Variants in HNRNPK observed in about 807,000 individuals in gnomAD.
HNRNPK encodes the protein heterogeneous nuclear ribonucleoprotein K.
In HNRNPK, 7 loss-of-function variants were observed where a neutral mutation model predicts 67.0. The observed-to-expected ratio is 0.10, with a 90% CI of 0.06 to 0.20. HNRNPK has a LOEUF of 0.20. Among genes scored for constraint, HNRNPK ranks in the 10% least tolerant of loss-of-function variants. The pLI is 1.00. For synonymous variants in HNRNPK, 213 were observed against 193.7 expected (o/e 1.10, Z -0.83); for missense variants, 264 against 606.5 (o/e 0.44, Z 5.93).
At chr9:83,975,598 C>T in intron 5 of HNRNPK, 93 bp from the exon 6 acceptor site, 2 of 1,072,722 alleles carry the variant, frequency 1.9e-6, no homozygotes, top group Non-Finnish European at 2.9e-6. Flanking sequence ...GCAACGAGCA[C>T]ATTTTTGGGC....
At position 83,974,079 on chromosome 9, in the gene HNRNPK, AAAT is replaced by A. The variant is rs146728872; in HGVS notation, c.331-109_331-107del. On this transcript the variant is annotated intron_variant, in intron 7 of 16. Transcript: ENST00000376263. ...CAACATATTTTAAATCTATATTATT[AAAT>A]AATGAGAAACTGCTTTATTCAACAT... is the stretch of plus-strand genomic sequence containing the variant. 9.1e-3 allele frequency: 6,011 copies of A among 661,180 alleles called. 270 individuals are homozygous for A. The African/African-American group carries it at 0.096, about 11-fold the overall frequency. 41.0% of individuals were successfully genotyped at this position (661,180 alleles called of 1,614,324 possible). A position where few individuals can be genotyped will look rare whatever the true frequency, so the allele number is the denominator to read the frequency against.
At chr9:83,973,222 G>A (rs936011133) in intron 9 of HNRNPK, 64 bp downstream of exon 9, 6 of 976,198 alleles carry the variant, frequency 6.1e-6, no homozygotes, top group African/African-American at 4.9e-5. Context: ...GAAGCTCACA[G>A]AAACAAGTCT....
At position 83,973,465 on chromosome 9, in the gene HNRNPK, TATAAGC is replaced by T. The variant is rs1199241463; in HGVS notation, c.403-72_403-67del. 1.4e-5 allele frequency: 12 copies of T among 879,364 alleles called. No individual in the cohort carries two copies. In the East Asian group the frequency reaches 2.9e-4, roughly 21 times the overall value. The allele number at this position is 879,364 out of a possible 1,614,324, so 54.5% of individuals were successfully genotyped here. A position where few individuals can be genotyped will look rare whatever the true frequency, so the allele number is the denominator to read the frequency against. On this transcript the variant is annotated intron_variant, in intron 8 of 16. Transcript: ENST00000376263. ...AATTCCCCAATACACACTTATCTGC[TATAAGC>T]ATAACAATAATATACTGTTGCAGTG...
chr9:83,971,504 A>AATT, intron 12 of HNRNPK, 148 bp from the exon 13 acceptor site: 2 of 808,742 alleles, frequency 2.5e-6, no homozygotes, highest in Non-Finnish European at 4.2e-6. Flanking sequence ...AAAGCTCAAT[A>AATT]AAGTCGTAAT....
intron 9 of HNRNPK, 93 bp from the exon 10 acceptor site, chr9:83,973,065 C>T (rs1351239824): frequency 2.1e-5 from 19 of 892,968 alleles, no homozygotes; most frequent in Middle Eastern, 3.3e-4. Context: ...CAACAATTAA[C>T]CCCCCACAAT....
chr9:83,972,215 A>C, intron 10 of HNRNPK, 26 bp from the exon 11 acceptor site: 3 of 1,529,964 alleles, frequency 2.0e-6, no homozygotes, highest in Non-Finnish European at 2.7e-6. Flanking sequence ...GAACAAACTT[A>C]CAGACTGAAG....
intron 12 of HNRNPK, 99 bp from the exon 13 acceptor site, chr9:83,971,455 GGTACATA>G: frequency 1.1e-6 from 1 of 906,086 alleles, no homozygotes. Context: ...AACAAAAGAG[GGTACATA>G]TATAGGCAGC....
At chr9:83,976,887 G>C in intron 5 of HNRNPK, 108 bp downstream of exon 5, 1 of 608,552 alleles carries the variant, frequency 1.6e-6, no homozygotes, top group Non-Finnish European at 2.9e-6. Flanking sequence ...TATTACAAAT[G>C]TCTTTGTAGC....
intron 12 of HNRNPK, 57 bp from the exon 13 acceptor site, chr9:83,971,413 T>C: frequency 8.5e-7 from 1 of 1,175,744 alleles, no homozygotes; most frequent in East Asian, 2.3e-5. Context: ...ATAGAGCTGT[T>C]TTTAATATGC....
At chr9:83,973,036 T>G (rs1956923009) in intron 9 of HNRNPK, 64 bp from the exon 10 acceptor site, 1 of 1,220,324 alleles carries the variant, frequency 8.2e-7, no homozygotes, top group African/African-American at 1.5e-5. Flanking sequence ...CTAGGTTCAG[T>G]GAAAATTGCA....
intron 8 of HNRNPK, 66 bp downstream of exon 8, chr9:83,973,836 A>G: frequency 8.2e-7 from 1 of 1,212,680 alleles, no homozygotes; most frequent in South Asian, 1.2e-5. Context: ...CACTATGTTA[A>G]AAATATAATC....
intron 16 of HNRNPK, chr9:83,969,756 G>A (rs1053010256): frequency 1.4e-5 from 9 of 659,890 alleles, no homozygotes; most frequent in Non-Finnish European, 2.6e-5. Context: ...TCCTGTAGAG[G>A]CATGGCCTGT....
intron 16 of HNRNPK, chr9:83,969,887 T>C (rs763877345): frequency 3.3e-6 from 2 of 610,320 alleles, no homozygotes; most frequent in South Asian, 1.5e-5. Flanking sequence ...ACAGGCTCTG[T>C]ACAATTTTTA....
chr9:83,979,236 C>G (rs1441455508), intron 1 of HNRNPK, among the ~76,000 whole-genome samples: 2 of 152,228 alleles, frequency 1.3e-5, no homozygotes, highest in African/African-American at 4.8e-5. Flanking sequence ...AAAGAGCCAA[C>G]AAGCGAGGCA....
At chr9:83,975,136 A>T (rs1033844504) in intron 6 of HNRNPK, among the ~76,000 whole-genome samples, 2 of 152,250 alleles carry the variant, frequency 1.3e-5, no homozygotes, top group African/African-American at 4.8e-5. Flanking sequence ...ATCAGAAAAA[A>T]TTATGAACAG....
rs1957171962 is a variant in HNRNPK, at chr9:83,978,420, G to A, written c.-75C>T. Reference sequence around the variant, plus strand: ...AGCAGAACTGAAGCGTTCTGGGTCGGACCAACAACTGACACCCCAGTGCTG... The same window carrying A: ...AGCAGAACTGAAGCGTTCTGGGTCGAACCAACAACTGACACCCCAGTGCTG... On this transcript the variant is annotated 5_prime_UTR_variant, in exon 2 of 17. Coordinates refer to ENST00000376263, the MANE Select transcript of HNRNPK (RefSeq NM_031263.4). 7.3e-7 allele frequency: 1 copy of A among 1,373,480 alleles called. No homozygotes were observed. Among genetic ancestry groups the A allele is most frequent in the Non-Finnish European group, 9.4e-7 (1 of 1,062,996 alleles). 85.1% of individuals were successfully genotyped at this position (1,373,480 alleles called of 1,614,324 possible).
At chr9:83,973,111 TG>T (rs764391860) in intron 9 of HNRNPK, 139 bp from the exon 10 acceptor site, 21 of 768,012 alleles carry the variant, frequency 2.7e-5, no homozygotes, top group Non-Finnish European at 3.6e-5. Context: ...GGCTTTGCAA[TG>T]GTATAAAAAT....
intron 5 of HNRNPK, 78 bp from the exon 6 acceptor site, chr9:83,975,583 G>T: frequency 8.0e-7 from 1 of 1,242,470 alleles, no homozygotes; most frequent in Non-Finnish European, 1.2e-6. Context: ...TATGGTACCC[G>T]TTTGGCAACG....
At chr9:83,974,788 G>C (rs2133047036) in intron 6 of HNRNPK, among the ~76,000 whole-genome samples, 199 bp from the exon 7 acceptor site, 1 of 152,288 alleles carries the variant, frequency 6.6e-6, no homozygotes, top group Middle Eastern at 3.4e-3. Flanking sequence ...AACAATATTA[G>C]GAGACTTGCA....
Sources: allele counts gnomAD v4.1 joint callset (sites outside exome capture counted in the v4.1 genomes callset), GRCh38; gene constraint gnomAD v4.1.1; transcripts MANE v1.5; gene names NCBI Gene and HGNC (gene_info 2026-07-23, HGNC 2026-07-21).